Variants in LNX1 observed in about 807,000 individuals in gnomAD.
The protein encoded by LNX1 is ligand of numb-protein X 1.
A neutral mutation model predicts 68.4 loss-of-function variants in LNX1; 54 were observed. The ratio of observed to expected loss-of-function variants is 0.79; its 90% CI spans 0.63 to 0.99. LNX1 has a LOEUF of 0.99. LNX1 is among the 50% of genes least tolerant of loss of function. The probability of loss-of-function intolerance (pLI) is 0.00; values close to 1 mark genes in which losing one functional copy is unlikely to be tolerated. For missense variants in LNX1, 906 were observed against 926.4 expected, an observed-to-expected ratio of 0.98 and a Z score of 0.29; for synonymous variants, 336 against 350.0, an observed-to-expected ratio of 0.96 and a Z score of 0.45.
chr4:53,612,287 G>A (rs1403088520), intron 2 of LNX1, among the ~76,000 whole-genome samples: 1 of 152,094 alleles, frequency 6.6e-6, no homozygotes, highest in African/African-American at 2.4e-5. Flanking sequence ...TAGGTAGAAT[G>A]GAAATACCTC....
At chr4:53,544,146 G>A (rs1241886861) in intron 2 of LNX1, among the ~76,000 whole-genome samples, 1 of 152,094 alleles carries the variant, frequency 6.6e-6, no homozygotes, top group Non-Finnish European at 1.5e-5. Context: ...AGGTGTTTGA[G>A]AGCAGTACAT....
intron 2 of LNX1, among the ~76,000 whole-genome samples, chr4:53,509,501 AT>A (rs1226280826): frequency 6.6e-6 from 1 of 152,164 alleles, no homozygotes; most frequent in African/African-American, 2.4e-5. Flanking sequence ...TTGCTCTGAA[AT>A]TTACATAGCT....
rs116556143 is a variant in LNX1, at chr4:53,504,398, C to T, written c.775+2919G>A. 9.5e-3 allele frequency among the ~76,000 whole-genome samples: 1,445 copies of T among 152,372 alleles called. 23 individuals are homozygous for T. The highest frequency in any genetic ancestry group is 0.033 in the African/African-American group (1,383 of 41,582). ...GCTTCTTCACCTCTCTCAGCCTTCA[C>T]AGAATCAAAGAAAGTTAGGACCTTC... On this transcript the variant is annotated intron_variant, in intron 4 of 10. Transcript: ENST00000263925.
chr4:53,491,814 T>TTTG (rs1560624432), intron 6 of LNX1, among the ~76,000 whole-genome samples: 1 of 150,916 alleles, frequency 6.6e-6, no homozygotes, highest in African/African-American at 2.4e-5. Flanking sequence ...TGTTTGTTTT[T>TTTG]TGAGAAAAGT....
At chr4:53,592,542 CTG>C (rs1299619540), upstream of LNX1, among the ~76,000 whole-genome samples, 4 of 152,316 alleles carry the variant, frequency 2.6e-5, no homozygotes, top group Admixed American at 1.3e-4. Context: ...CCTGAGGAAA[CTG>C]TGGATTCCCC....
intron 4 of LNX1, among the ~76,000 whole-genome samples, chr4:53,504,905 A>G (rs1412613976): frequency 3.9e-5 from 6 of 152,242 alleles, no homozygotes; most frequent in Non-Finnish European, 7.3e-5. Flanking sequence ...TTACAATAGT[A>G]ACGCCAAAGA....
rs758332865 is a variant in LNX1 at position 53,478,665 on chromosome 4, G to A, written c.1563C>T (p.Thr521=). 1.6e-5 allele frequency: 26 copies of A among 1,614,038 alleles called. No individual in the cohort carries two copies. Among genetic ancestry groups the A allele is most frequent in the Admixed American group, 5.0e-5 (3 of 60,014 alleles). The change falls in exon 8 of 11, where the codon ACC becomes ACT. Residue 521 remains threonine, a synonymous_variant. Transcript: ENST00000263925. ...QKDPGESLGM[T]VAGGASHREW... ...CTCTATGTGATGCTCCCCCTGCGAC[G>A]GTCATGCCGAGAGATTCACCGGGGT...
intron 1 of LNX1, among the ~76,000 whole-genome samples, chr4:53,577,281 G>T (rs1406345122): frequency 1.3e-5 from 2 of 152,182 alleles, no homozygotes; most frequent in Admixed American, 6.5e-5. Flanking sequence ...AAAGCTCTAG[G>T]TCTTTTAAAG....
chr4:53,630,720 C>T (rs1332540150), intron 1 of LNX1, among the ~76,000 whole-genome samples: 1 of 152,122 alleles, frequency 6.6e-6, no homozygotes, highest in African/African-American at 2.4e-5. Context: ...AATAGGAACA[C>T]ATATAAAACA....
At chr4:53,589,958 T>C (rs1432771277) in intron 1 of LNX1, among the ~76,000 whole-genome samples, 1 of 152,204 alleles carries the variant, frequency 6.6e-6, no homozygotes, top group African/African-American at 2.4e-5. Context: ...AAAGCACTAA[T>C]CAACCATGGT....
upstream of LNX1, chr4:53,591,628 C>A: frequency 1.0e-6 from 1 of 960,566 alleles, no homozygotes; most frequent in Non-Finnish European, 1.2e-6. Flanking sequence ...AGTCAGGAGG[C>A]CCCGCCCACC....
At chr4:53,598,412 T>C (rs1732852688) in intron 2 of LNX1, among the ~76,000 whole-genome samples, 1 of 152,032 alleles carries the variant, frequency 6.6e-6, no homozygotes, top group Non-Finnish European at 1.5e-5. Flanking sequence ...TTTGTATTTT[T>C]TGTAGAGATG....
intron 2 of LNX1, among the ~76,000 whole-genome samples, chr4:53,572,820 C>A (rs898731752): frequency 5.9e-5 from 9 of 152,106 alleles, no homozygotes; most frequent in Non-Finnish European, 1.3e-4. Context: ...TGTGCACGTG[C>A]AACTTAGTAA....
At chr4:53,628,092 T>C (rs1451576488) in intron 1 of LNX1, among the ~76,000 whole-genome samples, 2 of 152,162 alleles carry the variant, frequency 1.3e-5, no homozygotes, top group Admixed American at 1.3e-4. Flanking sequence ...TTAAATCCAC[T>C]AAACACCAAA....
chr4:53,561,424 C>T (rs1053813258), intron 2 of LNX1, among the ~76,000 whole-genome samples: 1 of 152,146 alleles, frequency 6.6e-6, no homozygotes, highest in Non-Finnish European at 1.5e-5. Flanking sequence ...GATGGGGTTT[C>T]ACTGTGTTGG....
At chr4:53,472,849 G>A (rs71597843) in intron 9 of LNX1, among the ~76,000 whole-genome samples, 2 of 152,110 alleles carry the variant, frequency 1.3e-5, no homozygotes, top group Admixed American at 1.3e-4. Flanking sequence ...GAGTGTTCCA[G>A]AGAGTTGTTA....
chr4:53,460,066 TTAC>T lies in LNX1; in HGVS notation c.*838_*840del. ...GGCCTCTATGAAATAAATTAATTAA[TTAC>T]CCATAGTGTAGTTTCTAGGAGGCAT... On this transcript the variant is annotated 3_prime_UTR_variant, in exon 11 of 11. Coordinates refer to ENST00000263925, the MANE Select transcript of LNX1 (RefSeq NM_001126328.3). The T allele has an allele frequency of 6.0e-6, 1 of 165,356 alleles. No homozygotes were observed. Among genetic ancestry groups the T allele is most frequent in the Non-Finnish European group, 1.2e-5 (1 of 80,184 alleles). The allele number at this position is 165,356 out of a possible 1,614,324, so 10.2% of individuals were successfully genotyped here.
chr4:53,506,710 G>C (rs1725896892), intron 4 of LNX1, among the ~76,000 whole-genome samples: 1 of 151,840 alleles, frequency 6.6e-6, no homozygotes, highest in South Asian at 2.1e-4. Flanking sequence ...ACAAAAAATA[G>C]CTGGTTGTGG....
intron 2 of LNX1, among the ~76,000 whole-genome samples, chr4:53,550,792 A>G (rs1317458896): frequency 2.0e-5 from 3 of 152,328 alleles, no homozygotes; most frequent in African/African-American, 7.2e-5. Flanking sequence ...GACTGAAGTT[A>G]GTAGGCAGGA....
Sources: allele counts gnomAD v4.1 joint callset (sites outside exome capture counted in the v4.1 genomes callset), GRCh38; gene constraint gnomAD v4.1.1; transcripts MANE v1.5; gene names NCBI Gene and HGNC (gene_info 2026-07-23, HGNC 2026-07-21).